Variants in PLXNA4 observed in about 807,000 individuals in gnomAD.
The protein encoded by PLXNA4 is plexin-A4.
In PLXNA4, 44 loss-of-function variants were observed where a neutral mutation model predicts 191.8. The observed-to-expected ratio is 0.23, with a 90% CI of 0.18 to 0.29. The LOEUF (loss-of-function observed/expected upper bound fraction) is 0.29, where lower values mean the gene tolerates loss of function less well. Among genes scored for constraint, PLXNA4 ranks in the 10% least tolerant of loss-of-function variants. The probability of loss-of-function intolerance (pLI) is 1.00; values close to 1 mark genes in which losing one functional copy is unlikely to be tolerated. For missense variants in PLXNA4, 1,800 were observed against 2,488.8 expected (o/e 0.72, Z 5.89); for synonymous variants, 1,082 against 1,009.5 (o/e 1.07, Z -1.36).
chr7:132,456,137 G>T (rs759955), intron 3 of PLXNA4, among the ~76,000 whole-genome samples: 106,296 of 143,674 alleles, frequency 0.74, 43,158 homozygotes, highest in Non-Finnish European at 0.89. Flanking sequence ...TTTGGAGATG[G>T]AGTCTCACTC....
At chr7:132,574,145 A>G (rs1159925022) in intron 1 of PLXNA4, among the ~76,000 whole-genome samples, 1 of 152,262 alleles carries the variant, frequency 6.6e-6, no homozygotes, top group African/African-American at 2.4e-5. Flanking sequence ...GCTTATAACC[A>G]GCATAATGAT....
In PLXNA4 at chr7:132,141,043, A is replaced by G. The variant is rs944430935; in HGVS notation, c.5226-232T>C. On this transcript the variant is annotated intron_variant, in intron 29 of 31. Coordinates refer to ENST00000321063, the MANE Select transcript of PLXNA4 (RefSeq NM_020911.2). ...GCAAGGCTGAATAATTCATCCAGAG[A>G]TATAATGTTGGTAGGTACTTGAGAG... Among the ~76,000 whole-genome samples the G allele has an allele frequency of 1.1e-4, 16 of 152,204 alleles. 1 individual carries two copies. Among genetic ancestry groups the G allele is most frequent in the African/African-American group, 3.6e-4 (15 of 41,460 alleles).
chr7:132,402,072 C>T (rs1440244817), intron 3 of PLXNA4, among the ~76,000 whole-genome samples: 1 of 152,106 alleles, frequency 6.6e-6, no homozygotes, highest in African/African-American at 2.4e-5. Flanking sequence ...AGAAATGACC[C>T]GGGAAAGGGT....
At chr7:132,192,364 G>A (rs934045507) in intron 14 of PLXNA4, among the ~76,000 whole-genome samples, 1 of 152,048 alleles carries the variant, frequency 6.6e-6, no homozygotes, top group African/African-American at 2.4e-5. Context: ...GAGGCATTGT[G>A]CAAGGTGATC....
intron 3 of PLXNA4, among the ~76,000 whole-genome samples, chr7:132,377,419 A>AAAG (rs1804701216): frequency 6.7e-6 from 1 of 148,338 alleles, no homozygotes; most frequent in Non-Finnish European, 1.5e-5. Context: ...CTCAAATGAA[A>AAAG]AAGAAAAAAA....
At chr7:132,643,918 C>T (rs1275264860) in intron 2 of PLXNA4, among the ~76,000 whole-genome samples, 3 of 152,038 alleles carry the variant, frequency 2.0e-5, no homozygotes, top group South Asian at 4.2e-4. Flanking sequence ...CACCACTACA[C>T]TCCAGCCTGG....
intron 3 of PLXNA4, among the ~76,000 whole-genome samples, chr7:132,357,053 T>C (rs1803737861): frequency 6.6e-6 from 1 of 152,094 alleles, no homozygotes. Flanking sequence ...AGGTGTGGTG[T>C]CCAAATGGAG....
intron 5 of PLXNA4, among the ~76,000 whole-genome samples, chr7:132,238,529 A>T (rs548392454): frequency 4.7e-4 from 71 of 152,308 alleles, no homozygotes; most frequent in Admixed American, 2.7e-3. Context: ...TCCTTGAGCA[A>T]CGAGGTGCCA....
At chr7:132,241,755 G>A (rs1284185220) in intron 4 of PLXNA4, among the ~76,000 whole-genome samples, 1 of 152,094 alleles carries the variant, frequency 6.6e-6, no homozygotes, top group Non-Finnish European at 1.5e-5. Flanking sequence ...TTCTCATAAT[G>A]TTGGCCAACT....
At chr7:132,255,391 A>G (rs555386736) in intron 4 of PLXNA4, among the ~76,000 whole-genome samples, 1 of 152,282 alleles carries the variant, frequency 6.6e-6, no homozygotes, top group East Asian at 1.9e-4. Context: ...AACACTCAAC[A>G]CAGTCCTAGA....
At chr7:132,136,858 C>T (rs971643196) in intron 30 of PLXNA4, among the ~76,000 whole-genome samples, 3 of 152,108 alleles carry the variant, frequency 2.0e-5, no homozygotes, top group African/African-American at 7.2e-5. Flanking sequence ...CCAATATGTA[C>T]CTTTCAAGGC....
intron 1 of PLXNA4, among the ~76,000 whole-genome samples, chr7:132,555,057 C>CAAAAAAAAAAAACA (rs1329396023): frequency 1.1e-4 from 14 of 131,960 alleles, no homozygotes; most frequent in African/African-American, 4.6e-4. Context: ...AAAAAAAAAA[C>CAAAAAAAAAAAACA]AAAAAAAAAA....
chr7:132,542,643 A>C (rs570476583), intron 1 of PLXNA4, among the ~76,000 whole-genome samples: 6 of 152,284 alleles, frequency 3.9e-5, no homozygotes, highest in African/African-American at 1.4e-4. Flanking sequence ...AGATAAGACT[A>C]TTCTCACTGT....
At chr7:132,135,575 A>C (rs1795087960) in intron 30 of PLXNA4, among the ~76,000 whole-genome samples, 1 of 152,204 alleles carries the variant, frequency 6.6e-6, no homozygotes, top group Admixed American at 6.5e-5. Context: ...AAAAAACAGA[A>C]GCCCAGCATT....
chr7:132,500,461 G>A (rs1411927419), intron 2 of PLXNA4, among the ~76,000 whole-genome samples: 1 of 151,658 alleles, frequency 6.6e-6, no homozygotes, highest in Admixed American at 6.6e-5. Flanking sequence ...GAAGGAGAAG[G>A]AGAAGAAGAA....
At chr7:132,544,531 C>G (rs1419452675) in intron 1 of PLXNA4, among the ~76,000 whole-genome samples, 3 of 152,102 alleles carry the variant, frequency 2.0e-5, no homozygotes, top group Non-Finnish European at 2.9e-5. Flanking sequence ...CAGAAATAGA[C>G]TTAAGTGTGC....
chr7:132,571,097 GA>G lies in PLXNA4; in HGVS notation c.-87+5324del, dbSNP rs998231533. Reference sequence around the variant, plus strand: ...TAAAAGTTTGTCTTTTGGAGAAAAAGAAAAAAAAAAAGGCAAGTAACCAAAG... The same window carrying G: ...TAAAAGTTTGTCTTTTGGAGAAAAAGAAAAAAAAAAGGCAAGTAACCAAAG... On this transcript the variant is annotated intron_variant, in intron 1 of 31. Transcript: ENST00000321063. Among the ~76,000 whole-genome samples the G allele has an allele frequency of 9.7e-3, 1,365 of 140,338 alleles. 8 individuals are homozygous for G. Among genetic ancestry groups the G allele is most frequent in the Middle Eastern group, 0.044 (12 of 272 alleles). The allele number at this position is 140,338 out of a possible 152,430, so 92.1% of individuals were successfully genotyped here.
At chr7:132,579,792 A>G (rs2116810428), upstream of PLXNA4, among the ~76,000 whole-genome samples, 1 of 152,292 alleles carries the variant, frequency 6.6e-6, no homozygotes, top group Non-Finnish European at 1.5e-5. Context: ...CTTCCACTGA[A>G]TAACACGGTA....
chr7:132,531,505 A>G (rs2116439115), intron 1 of PLXNA4, among the ~76,000 whole-genome samples: 1 of 152,308 alleles, frequency 6.6e-6, no homozygotes, highest in East Asian at 1.9e-4. Context: ...CAGACCACAA[A>G]GTTAGTATGT....
Sources: gnomAD v4.1 joint callset for allele counts (sites outside exome capture counted in the v4.1 genomes callset) on GRCh38, gnomAD v4.1.1 for gene constraint, MANE v1.5 for transcripts, NCBI Gene and HGNC (gene_info 2026-07-23, HGNC 2026-07-21) for gene names.